ITIH5: variants seen among roughly 807,000 people sequenced by gnomAD.
ITIH5 encodes inter-alpha-trypsin inhibitor heavy chain H5.
In ITIH5, 65 loss-of-function variants were observed where a neutral mutation model predicts 77.5. The observed-to-expected ratio is 0.84, with a 90% CI of 0.69 to 1.03. The LOEUF is 1.03. Ranked by LOEUF, ITIH5 falls within the 50% of genes least tolerant of loss-of-function variation. The pLI is 0.00. For synonymous variants in ITIH5, 525 were observed against 494.3 expected (o/e 1.06, Z -0.82); for missense variants, 1,208 against 1,213.1 (o/e 1.00, Z 0.06).
intron 7 of ITIH5, among the ~76,000 whole-genome samples, chr10:7,596,621 C>A (rs1016411837): frequency 6.6e-6 from 1 of 152,180 alleles, no homozygotes; most frequent in Non-Finnish European, 1.5e-5. Flanking sequence ...ACGCTGTTCT[C>A]CTGAGTGGCA....
intron 7 of ITIH5, among the ~76,000 whole-genome samples, chr10:7,608,735 G>A (rs568648972): frequency 4.5e-4 from 68 of 152,274 alleles, no homozygotes; most frequent in East Asian, 1.7e-3. Context: ...ACGCACACTC[G>A]GATGTCACTT....
intron 3 of ITIH5, 88 bp from the exon 4 acceptor site, chr10:7,640,943 A>G: frequency 2.3e-6 from 2 of 879,344 alleles, no homozygotes; most frequent in South Asian, 1.4e-5. Context: ...ACCCCAGGAA[A>G]TATTTTTATT....
intron 1 of ITIH5, among the ~76,000 whole-genome samples, chr10:7,657,322 C>G (rs1203229151): frequency 6.6e-6 from 1 of 152,126 alleles, no homozygotes; most frequent in African/African-American, 2.4e-5. Context: ...TCTGGAATTA[C>G]AGGCATGAGC....
chr10:7,584,295 CTTTCT>C (rs1832627144), intron 8 of ITIH5, among the ~76,000 whole-genome samples: 1 of 122,244 alleles, frequency 8.2e-6, no homozygotes, highest in Non-Finnish European at 1.7e-5. Context: ...CATTTTCTTT[CTTTCT>C]TTTTTTTTTC....
rs575423661 is a variant in ITIH5, at chr10:7,581,960, C to T, written c.1109-1896G>A. Among the ~76,000 whole-genome samples the T allele has an allele frequency of 3.5e-4, 52 of 148,222 alleles. 1 individual carries two copies. Among genetic ancestry groups the T allele is most frequent in the Middle Eastern group, 3.6e-3 (1 of 278 alleles). On this transcript the variant is annotated intron_variant, in intron 8 of 13. Transcript: ENST00000397146. ...GCGTGATCTTGGCTCACTGCAACCT[C>T]TGCCTCCTGTGTTCAAGCAATTCTC... is the stretch of plus-strand genomic sequence containing the variant.
chr10:7,658,689 T>C (rs1013325990), intron 1 of ITIH5, among the ~76,000 whole-genome samples: 1 of 152,178 alleles, frequency 6.6e-6, no homozygotes, highest in African/African-American at 2.4e-5. Context: ...AGGTTATACG[T>C]AGATGTAAAA....
rs368353260 is a variant in ITIH5, at chr10:7,566,075, T to A, written c.2482A>T (p.Ile828Phe). ...CTGGAAAGGCCCTCGCTGTTGGCAA[T>A]GTAGAAACCCAGGTGGTGTCGCTGG... is the stretch of plus-strand genomic sequence containing the variant. ...PFQRHHLGFY[I>F]ANSEGLSSNC... is the part of the protein sequence containing the mutation. Residue 828 changes from isoleucine (I) to phenylalanine (F), a missense_variant, in exon 13 of 14, where the codon ATT (isoleucine) becomes TTT (phenylalanine). Ile to Phe is a conservative substitution (Grantham distance 21, BLOSUM62 0). Transcript: ENST00000397146. 3 of 1,613,962 alleles carry A rather than the reference T, an allele frequency of 1.9e-6. No individual in the cohort carries two copies. Among genetic ancestry groups the A allele is most frequent in the Non-Finnish European group, 2.5e-6 (3 of 1,180,002 alleles).
chr10:7,636,492 T>C (rs768079884), intron 5 of ITIH5, among the ~76,000 whole-genome samples: 1 of 152,210 alleles, frequency 6.6e-6, no homozygotes, highest in Non-Finnish European at 1.5e-5. Context: ...TTTAACATTA[T>C]AGTACATATA....
In ITIH5 at chr10:7,637,252, G is replaced by A. The variant is rs763666365; in HGVS notation, c.628C>T (p.Gln210Ter). ...LEVLPLHNSR[Q>*]RGSGRGEDDS... ...CCTTCCCCGCGCCCACTGCCCCTCT[G>A]CCTGCTGTTGTGAAGCGGCAGCACC... Residue 210 changes from glutamine (Q) to a stop codon, truncating the protein, a stop_gained, in exon 5 of 14, where the codon CAG (glutamine) becomes TAG (stop). Coordinates refer to ENST00000397146, the MANE Select transcript of ITIH5 (RefSeq NM_030569.7). LOFTEE classifies it high-confidence loss of function. The A allele has an allele frequency of 8.7e-6, 14 of 1,609,906 alleles. No homozygotes were observed. The highest frequency in any genetic ancestry group is 1.2e-5 in the Non-Finnish European group (14 of 1,179,934).
intron 5 of ITIH5, among the ~76,000 whole-genome samples, chr10:7,629,616 G>T (rs116928602): frequency 1.5e-5 from 2 of 132,156 alleles, no homozygotes; most frequent in Admixed American, 7.7e-5. Context: ...TATCCATGTT[G>T]CAGCGTGTGT....
chr10:7,639,796 A>C (rs762540621), intron 4 of ITIH5, among the ~76,000 whole-genome samples: 25 of 152,230 alleles, frequency 1.6e-4, no homozygotes, highest in Non-Finnish European at 3.1e-4. Context: ...CCATTTATAA[A>C]CAAAAGAAAG....
chr10:7,585,764 G>T, intron 8 of ITIH5, 137 bp downstream of exon 8: 1 of 689,144 alleles, frequency 1.5e-6, no homozygotes, highest in Non-Finnish European at 2.4e-6. Flanking sequence ...TGCTGAGAAA[G>T]CTCTCGCCTG....
chr10:7,631,229 C>G (rs1195151325), intron 5 of ITIH5, among the ~76,000 whole-genome samples: 1 of 152,104 alleles, frequency 6.6e-6, no homozygotes, highest in African/African-American at 2.4e-5. Flanking sequence ...ATGGGTGAGG[C>G]TTAAGCAATA....
At chr10:7,600,560 G>A (rs756281641) in intron 7 of ITIH5, 8 of 456,526 alleles carry the variant, frequency 1.8e-5, no homozygotes, top group Admixed American at 9.4e-5. Context: ...CCAGTTACAC[G>A]TGCACCTAGA....
In ITIH5 at chr10:7,566,075, T is replaced by C. The variant is rs368353260; in HGVS notation, c.2482A>G (p.Ile828Val). 3.1e-6 allele frequency: 5 copies of C among 1,613,962 alleles called. No individual in the cohort carries two copies. Among genetic ancestry groups the C allele is most frequent in the Middle Eastern group, 3.3e-4 (2 of 6,072 alleles). The change falls in exon 13 of 14, where the codon ATT becomes GTT. Residue 828 changes from isoleucine to valine, a missense_variant. Ile to Val is a conservative substitution (Grantham distance 29). Coordinates refer to ENST00000397146, the MANE Select transcript of ITIH5 (RefSeq NM_030569.7). ...PFQRHHLGFY[I>V]ANSEGLSSNC... Reference sequence around the variant, plus strand: ...CTGGAAAGGCCCTCGCTGTTGGCAATGTAGAAACCCAGGTGGTGTCGCTGG... The same window carrying C: ...CTGGAAAGGCCCTCGCTGTTGGCAACGTAGAAACCCAGGTGGTGTCGCTGG...
chr10:7,567,339 T>TATC (rs908147829), intron 12 of ITIH5, among the ~76,000 whole-genome samples: 2 of 148,284 alleles, frequency 1.3e-5, no homozygotes, highest in Non-Finnish European at 3.0e-5. Flanking sequence ...TTATTATTAT[T>TATC]ATTATTATTA....
In ITIH5 at chr10:7,576,908, T is replaced by C. The variant is rs765900247; in HGVS notation, c.1523A>G (p.Asn508Ser). The C allele has an allele frequency of 1.9e-6, 3 of 1,613,908 alleles. No individual in the cohort carries two copies. The highest frequency in any genetic ancestry group is 3.3e-5 in the Admixed American group (2 of 59,984). ...ATKTLFPNYF[N>S]GSEIIIAGKL... is the part of the protein sequence containing the mutation. ...CCCCGCAATGATGATCTCCGAGCCG[T>C]TGAAGTAGTTGGGGAACAGGGTCTT... Residue 508 changes from asparagine to serine, a missense_variant, in exon 10 of 14, where the codon AAC becomes AGC. Asn to Ser is a conservative substitution (Grantham distance 46). Coordinates refer to ENST00000397146, the MANE Select transcript of ITIH5 (RefSeq NM_030569.7).
At chr10:7,649,080 A>C (rs1432638607) in intron 2 of ITIH5, among the ~76,000 whole-genome samples, 1 of 151,774 alleles carries the variant, frequency 6.6e-6, no homozygotes, top group Non-Finnish European at 1.5e-5. Context: ...CCAGTTACCA[A>C]CCCTTACCCC....
intron 7 of ITIH5, among the ~76,000 whole-genome samples, chr10:7,611,374 T>C (rs144081719): frequency 6.6e-6 from 1 of 152,386 alleles, no homozygotes; most frequent in East Asian, 1.9e-4. Flanking sequence ...AAAGGTACAT[T>C]TAGGAGACCC....
Sources: allele counts gnomAD v4.1 joint callset (sites outside exome capture counted in the v4.1 genomes callset), GRCh38; gene constraint gnomAD v4.1.1; transcripts MANE v1.5; gene names NCBI Gene and HGNC (gene_info 2026-07-23, HGNC 2026-07-21).